STAU2: variants seen among roughly 807,000 people sequenced by gnomAD.
The protein encoded by STAU2 is double-stranded RNA-binding protein Staufen homolog 2.
In STAU2, 20 loss-of-function variants were observed where a neutral mutation model predicts 65.9. That is an observed-to-expected ratio of 0.30 (90% CI 0.21 to 0.44). The LOEUF is 0.44. Among genes scored for constraint, STAU2 ranks in the 20% least tolerant of loss-of-function variants. STAU2 has a pLI of 1.00. For missense variants in STAU2, 558 were observed against 683.9 expected, an observed-to-expected ratio of 0.82 and a Z score of 2.05; for synonymous variants, 232 against 233.9, an observed-to-expected ratio of 0.99 and a Z score of 0.07.
chr8:73,532,402 T>A (rs1022288465), intron 13 of STAU2, among the ~76,000 whole-genome samples: 4 of 151,852 alleles, frequency 2.6e-5, no homozygotes, highest in African/African-American at 7.3e-5. Context: ...TAAATGAGAG[T>A]CTGGGATGAG....
At position 73,734,799 on chromosome 8, in the gene STAU2, AT is replaced by A. The variant is rs201361241; in HGVS notation, c.-18+3484del. 2.8e-3 allele frequency among the ~76,000 whole-genome samples: 423 copies of A among 151,684 alleles called. 2 individuals carry two copies. The highest frequency in any genetic ancestry group is 6.8e-3 in the Middle Eastern group (2 of 292). ...ACAGAGTGAGACTCCATCTCAAAAA[AT>A]AAAAAATAAAAAAGCATCTAATTCA... On this transcript the variant is annotated intron_variant, in intron 3 of 14. Coordinates refer to ENST00000524300, the MANE Select transcript of STAU2 (RefSeq NM_001164380.2).
At position 73,421,237 on chromosome 8, in the gene STAU2, T is replaced by C; in HGVS notation, c.*135A>G. On this transcript the variant is annotated 3_prime_UTR_variant, in exon 15 of 15. Transcript: ENST00000524300. ...TAAACAGTACCATGTATATTATCTC[T>C]CGTGTTAGAATAGTGTTGTCTTCAC... 6.9e-6 allele frequency: 5 copies of C among 725,262 alleles called. No individual in the cohort carries two copies. Among genetic ancestry groups the C allele is most frequent in the Admixed American group, 2.6e-5 (1 of 38,972 alleles). The allele number at this position is 725,262 out of a possible 1,614,324, so 44.9% of individuals were successfully genotyped here.
intron 13 of STAU2, among the ~76,000 whole-genome samples, chr8:73,468,930 T>C (rs1361811383): frequency 1.4e-5 from 2 of 140,784 alleles, no homozygotes; most frequent in African/African-American, 2.7e-5. Context: ...AGAAATAACA[T>C]TTGACCCAGC....
intron 13 of STAU2, among the ~76,000 whole-genome samples, chr8:73,502,459 C>T (rs929049375): frequency 2.6e-5 from 4 of 151,954 alleles, no homozygotes; most frequent in African/African-American, 9.7e-5. Flanking sequence ...CACATTCTAA[C>T]CCTTGTTCCC....
chr8:73,505,237 A>G (rs1305542417), intron 13 of STAU2, among the ~76,000 whole-genome samples: 1 of 152,018 alleles, frequency 6.6e-6, no homozygotes, highest in African/African-American at 2.4e-5. Flanking sequence ...GGCAGAAGAG[A>G]TTTTTTTAAG....
intron 5 of STAU2, among the ~76,000 whole-genome samples, chr8:73,684,078 C>T (rs764554749): frequency 6.6e-6 from 1 of 152,082 alleles, no homozygotes; most frequent in Non-Finnish European, 1.5e-5. Context: ...AAAATACCAT[C>T]ATCATTTTTC....
At chr8:73,512,994 C>T (rs1822498755) in intron 13 of STAU2, among the ~76,000 whole-genome samples, 1 of 152,194 alleles carries the variant, frequency 6.6e-6, no homozygotes, top group South Asian at 2.1e-4. Context: ...TATCTGTCTG[C>T]ATAGTACATC....
intron 13 of STAU2, among the ~76,000 whole-genome samples, chr8:73,496,580 A>G (rs1348042362): frequency 6.6e-6 from 1 of 151,738 alleles, no homozygotes; most frequent in Non-Finnish European, 1.5e-5. Flanking sequence ...CTAGACCAGC[A>G]CAGTCCAACA....
intron 13 of STAU2, among the ~76,000 whole-genome samples, chr8:73,462,587 AG>A (rs1218224655): frequency 6.6e-6 from 1 of 151,388 alleles, no homozygotes; most frequent in African/African-American, 2.4e-5. Context: ...TTATAGAGAA[AG>A]GGTCTCCCCA....
rs774331778 is a variant in STAU2, at chr8:73,615,697, C to T, written c.656G>A (p.Arg219Gln). The change falls in exon 8 of 15, where the codon CGA (arginine) becomes CAA (glutamine). Residue 219 changes from arginine (R) to glutamine (Q), a missense_variant. Arg to Gln is a conservative substitution (Grantham distance 43). Transcript: ENST00000524300. ...ISLVFEIALK[R>Q]NMPVSFEVIK... ...TACCTCAAAACTGACAGGCATATTT[C>T]GCTTCAGAGCAATTTCAAACACTAA... The T allele has an allele frequency of 2.5e-6, 4 of 1,613,780 alleles. No homozygotes were observed. In the Admixed American group the frequency reaches 6.7e-5, roughly 27 times the overall value.
intron 3 of STAU2, among the ~76,000 whole-genome samples, chr8:73,728,430 A>G (rs1025851037): frequency 9.4e-5 from 14 of 148,890 alleles, no homozygotes; most frequent in Non-Finnish European, 1.9e-4. Context: ...TTGCAATTCC[A>G]TATGAATATG....
intron 4 of STAU2, among the ~76,000 whole-genome samples, chr8:73,703,875 T>TC (rs1820298789): frequency 6.6e-6 from 1 of 152,186 alleles, no homozygotes; most frequent in African/African-American, 2.4e-5. Flanking sequence ...GTTCTTTTTT[T>TC]CCCACACAGA....
intron 13 of STAU2, among the ~76,000 whole-genome samples, chr8:73,480,801 T>A (rs923122318): frequency 1.3e-5 from 2 of 152,062 alleles, no homozygotes; most frequent in Non-Finnish European, 2.9e-5. Flanking sequence ...CAATCTGACT[T>A]ACGCATGAAG....
At position 73,603,830 on chromosome 8, in the gene STAU2, T is replaced by C. The variant is rs778705848; in HGVS notation, c.925A>G (p.Ile309Val). 6.2e-6 allele frequency: 10 copies of C among 1,612,124 alleles called. No homozygotes were observed. In the East Asian group the frequency reaches 6.7e-5, roughly 11 times the overall value. Residue 309 changes from isoleucine to valine, a missense_variant, in exon 10 of 15, where the codon ATT becomes GTT. Physicochemically the swap from Ile to Val is conservative, Grantham distance 29. This residue lies in a region of STAU2 where 199 missense variants were observed against 299.5 expected (regional missense o/e 0.66). Transcript: ENST00000524300. ...TGTTGAATTTGCGCCAGGCGGCTAA[T>C]AGGGTTCATCCCTTGGCCATATTCT... ...GPEYGQGMNP[I>V]SRLAQIQQAK...
At chr8:73,692,608 T>C (rs1429260306) in intron 4 of STAU2, among the ~76,000 whole-genome samples, 1 of 152,190 alleles carries the variant, frequency 6.6e-6, no homozygotes, top group Non-Finnish European at 1.5e-5. Context: ...TTTTAACAAA[T>C]TATGGAACCT....
intron 4 of STAU2, among the ~76,000 whole-genome samples, chr8:73,703,986 C>A (rs1820310306): frequency 6.6e-6 from 1 of 152,182 alleles, no homozygotes; most frequent in Non-Finnish European, 1.5e-5. Context: ...TATTTTCTCT[C>A]TCATGACTCT....
intron 3 of STAU2, among the ~76,000 whole-genome samples, chr8:73,733,857 A>G (rs1437367393): frequency 6.6e-6 from 1 of 152,202 alleles, no homozygotes; most frequent in Non-Finnish European, 1.5e-5. Context: ...TGGGAGCTAT[A>G]CACCAAATAT....
chr8:73,640,518 T>C (rs1814875746), intron 6 of STAU2, among the ~76,000 whole-genome samples: 1 of 152,216 alleles, frequency 6.6e-6, no homozygotes, highest in Non-Finnish European at 1.5e-5. Flanking sequence ...ACCTTCTCAA[T>C]ACTGCTGTTG....
At chr8:73,586,090 T>C (rs144267905) in intron 11 of STAU2, among the ~76,000 whole-genome samples, 5 of 152,334 alleles carry the variant, frequency 3.3e-5, no homozygotes, top group Non-Finnish European at 5.9e-5. Flanking sequence ...CAGTTCTTTA[T>C]AGCAAACAAA....
Sources: allele counts gnomAD v4.1 joint callset (sites outside exome capture counted in the v4.1 genomes callset), GRCh38; gene constraint gnomAD v4.1.1; regional missense constraint gnomAD v4.1.1; transcripts MANE v1.5; gene names NCBI Gene and HGNC (gene_info 2026-07-23, HGNC 2026-07-21).